The following SOX5 variants were observed in gnomAD, a reference collection of about 807,000 sequenced individuals.
SOX5 encodes transcription factor SOX-5.
In SOX5, 9 loss-of-function variants were observed where a neutral mutation model predicts 92.0. The ratio of observed to expected loss-of-function variants is 0.10; its 90% CI spans 0.06 to 0.17. The LOEUF is 0.17. SOX5 is among the 10% of genes least tolerant of loss of function. The pLI is 1.00. For synonymous variants in SOX5, 344 were observed against 336.3 expected (o/e 1.02, Z -0.25); for missense variants, 642 against 944.5 (o/e 0.68, Z 4.20).
At chr12:23,685,594 C>T (rs900379447) in intron 6 of SOX5, among the ~76,000 whole-genome samples, 4 of 151,926 alleles carry the variant, frequency 2.6e-5, no homozygotes, top group Non-Finnish European at 4.4e-5. Flanking sequence ...TACATGGTTT[C>T]TCATATTTTT....
At chr12:24,200,066 A>T (rs1957368961) in intron 4 of SOX5, among the ~76,000 whole-genome samples, 1 of 152,232 alleles carries the variant, frequency 6.6e-6, no homozygotes. Flanking sequence ...CTTCCACACA[A>T]CATCATCAAA....
rs542772826 is a variant in SOX5 at position 24,090,618 on chromosome 12, T to C, written c.-2+122725A>G. ...TATTTCAAATACTCAGATTACAGTA[T>C]GGCCAAAATATAGACATATTTTACT... is the stretch of plus-strand genomic sequence containing the variant. On this transcript the variant is annotated intron_variant, in intron 4 of 4. Transcript: ENST00000446891. 5.3e-5 allele frequency among the ~76,000 whole-genome samples: 8 copies of C among 152,330 alleles called. No individual in the cohort carries two copies. In the South Asian group the frequency reaches 1.7e-3, roughly 32 times the overall value.
intron 1 of SOX5, among the ~76,000 whole-genome samples, chr12:24,417,569 G>A (rs1233094818): frequency 6.6e-6 from 1 of 152,122 alleles, no homozygotes; most frequent in South Asian, 2.1e-4. Context: ...ACATAAAGTA[G>A]AATTCCCAAA....
At chr12:23,566,342 C>A (rs1250419071) in intron 10 of SOX5, among the ~76,000 whole-genome samples, 3 of 152,204 alleles carry the variant, frequency 2.0e-5, no homozygotes, top group Non-Finnish European at 2.9e-5. Flanking sequence ...TCCTTACTCT[C>A]CAGTTCTCAG....
chr12:24,255,224 G>T (rs1249959933), intron 3 of SOX5, among the ~76,000 whole-genome samples: 1 of 152,044 alleles, frequency 6.6e-6, no homozygotes, highest in Non-Finnish European at 1.5e-5. Flanking sequence ...ATGTGTCTTT[G>T]CTGTCTACAT....
chr12:23,720,552 T>C (rs1332271592), intron 6 of SOX5, among the ~76,000 whole-genome samples: 1 of 152,252 alleles, frequency 6.6e-6, no homozygotes, highest in South Asian at 2.1e-4. Flanking sequence ...TGATATGTTG[T>C]TAAACATTTT....
chr12:23,685,940 C>T (rs2087485343), intron 6 of SOX5, among the ~76,000 whole-genome samples: 1 of 152,110 alleles, frequency 6.6e-6, no homozygotes, highest in East Asian at 1.9e-4. Flanking sequence ...GAGCCTATTC[C>T]AACTTAGAGT....
chr12:24,115,715 A>C (rs952405816), intron 4 of SOX5, among the ~76,000 whole-genome samples: 1 of 152,242 alleles, frequency 6.6e-6, no homozygotes, highest in Admixed American at 6.5e-5. Flanking sequence ...GAACTGCTCA[A>C]AAAGGTTATA....
At chr12:23,584,511 A>C (rs1444382271) in intron 9 of SOX5, 4 of 1,408,028 alleles carry the variant, frequency 2.8e-6, no homozygotes, top group Non-Finnish European at 4.0e-6. Flanking sequence ...AGCTCCAATT[A>C]ATTACATCAA....
At chr12:23,570,226 T>A (rs1947909574) in intron 10 of SOX5, among the ~76,000 whole-genome samples, 1 of 152,194 alleles carries the variant, frequency 6.6e-6, no homozygotes, top group Admixed American at 6.5e-5. Context: ...TGGTCATTGA[T>A]CAGCATTACA....
At chr12:23,928,700 A>G (rs1442149788) in intron 1 of SOX5, among the ~76,000 whole-genome samples, 1 of 151,892 alleles carries the variant, frequency 6.6e-6, no homozygotes, top group Non-Finnish European at 1.5e-5. Flanking sequence ...TTGCTCTTAG[A>G]GTAGGAAATA....
chr12:24,118,030 A>G (rs1473136218), intron 4 of SOX5, among the ~76,000 whole-genome samples: 2 of 149,352 alleles, frequency 1.3e-5, no homozygotes. Context: ...AAAAAAAAAA[A>G]AAAAAAAAGA....
chr12:23,856,045 C>T (rs2096685022), intron 2 of SOX5, among the ~76,000 whole-genome samples: 2 of 152,098 alleles, frequency 1.3e-5, no homozygotes, highest in African/African-American at 2.4e-5. Flanking sequence ...AGTTTCAGTT[C>T]TCAGTCTAAA....
At chr12:24,049,637 AGTTTTTTTTT>A (rs1957363720) in intron 4 of SOX5, among the ~76,000 whole-genome samples, 11 of 99,292 alleles carry the variant, frequency 1.1e-4, no homozygotes, top group South Asian at 6.9e-4. Flanking sequence ...AATCCTTCAT[AGTTTTTTTTT>A]TTTTTTTTTT....
rs572492350 is a variant in SOX5 at position 23,908,379 on chromosome 12, C to A, written c.39-12355G>T. Among the ~76,000 whole-genome samples the A allele has an allele frequency of 5.4e-4, 82 of 151,922 alleles. 1 individual carries two copies. The highest frequency in any genetic ancestry group is 2.0e-3 in the African/African-American group (82 of 41,424). On this transcript the variant is annotated intron_variant, in intron 1 of 14. Transcript: ENST00000451604. The stretch of plus-strand genomic sequence containing the variant: ...CCAATGAAGAGAAATATTATGACCC[C>A]CTACCCTCTTTGGAATCCAAATAAC...
intron 4 of SOX5, among the ~76,000 whole-genome samples, chr12:24,202,766 T>A (rs2139567957): frequency 6.6e-6 from 1 of 152,302 alleles, no homozygotes; most frequent in East Asian, 1.9e-4. Flanking sequence ...TGACAGAAAT[T>A]ACTTTTTGTG....
chr12:24,241,271 C>T (rs1238926765), intron 3 of SOX5, among the ~76,000 whole-genome samples: 3 of 152,142 alleles, frequency 2.0e-5, no homozygotes, highest in African/African-American at 4.8e-5. Context: ...TTGGGCACAA[C>T]TTAAAATAGT....
At chr12:24,308,939 A>C (rs1948889432) in intron 2 of SOX5, among the ~76,000 whole-genome samples, 1 of 152,144 alleles carries the variant, frequency 6.6e-6, no homozygotes, top group Non-Finnish European at 1.5e-5. Flanking sequence ...AGGTGGCCTA[A>C]TCCCATACCA....
chr12:24,100,056 G>C (rs1341612249), intron 4 of SOX5, among the ~76,000 whole-genome samples: 1 of 152,124 alleles, frequency 6.6e-6, no homozygotes, highest in East Asian at 1.9e-4. Flanking sequence ...ATCTTATACT[G>C]AGGAGTGCTC....
Sources: gnomAD v4.1 joint callset for allele counts (sites outside exome capture counted in the v4.1 genomes callset) on GRCh38, gnomAD v4.1.1 for gene constraint, MANE v1.5 for transcripts, NCBI Gene and HGNC (gene_info 2026-07-23, HGNC 2026-07-21) for gene names.